The following SCHIP1 variants were observed in gnomAD, a reference collection of about 807,000 sequenced individuals.
The protein encoded by SCHIP1 is schwannomin-interacting protein 1.
Under a neutral mutation model 29.7 loss-of-function variants are expected in SCHIP1, and 8 were observed. The ratio of observed to expected loss-of-function variants is 0.27; its 90% CI spans 0.16 to 0.49. The LOEUF (loss-of-function observed/expected upper bound fraction) is 0.49. SCHIP1 is among the 20% of genes least tolerant of loss of function. The pLI is 0.99. For synonymous variants in SCHIP1, 76 were observed against 94.9 expected (o/e 0.80, Z 1.16); for missense variants, 193 against 294.6 (o/e 0.66, Z 2.52).
the SCHIP1 span, among the ~76,000 whole-genome samples, chr3:159,822,985 A>T: frequency 1.6e-3 from 246 of 152,226 alleles, 2 homozygotes; most frequent in Middle Eastern, 3.4e-3. Context: ...AGGCTCTGTT[A>T]GAGCAAGACA....
chr3:159,761,431 A>C, the SCHIP1 span, among the ~76,000 whole-genome samples: 1 of 152,182 alleles, frequency 6.6e-6, no homozygotes, highest in Non-Finnish European at 1.5e-5. Context: ...CTAAGTCTGA[A>C]AGCTCCAAGC....
At chr3:159,445,325 A>AG in the SCHIP1 span, among the ~76,000 whole-genome samples, 1 of 151,740 alleles carries the variant, frequency 6.6e-6, no homozygotes, top group Admixed American at 6.6e-5. Flanking sequence ...AACCACAATG[A>AG]GATACCATCT....
At chr3:159,805,017 TCTC>T in the SCHIP1 span, among the ~76,000 whole-genome samples, 1 of 152,146 alleles carries the variant, frequency 6.6e-6, no homozygotes, top group Non-Finnish European at 1.5e-5. Flanking sequence ...TCAGCAGATT[TCTC>T]CTCAATCTCA....
chr3:159,408,354 ACAC>A, the SCHIP1 span, among the ~76,000 whole-genome samples: 1 of 151,620 alleles, frequency 6.6e-6, no homozygotes, highest in African/African-American at 2.4e-5. Context: ...AATGAAGAAA[ACAC>A]CACAAAACAT....
the SCHIP1 span, among the ~76,000 whole-genome samples, chr3:159,618,170 T>G: frequency 1.3e-5 from 2 of 152,200 alleles, no homozygotes; most frequent in African/African-American, 4.8e-5. Context: ...TCAGAGTGGT[T>G]AAGTGACTTG....
At chr3:159,812,405 T>C in the SCHIP1 span, among the ~76,000 whole-genome samples, 2 of 152,184 alleles carry the variant, frequency 1.3e-5, no homozygotes, top group Non-Finnish European at 2.9e-5. Context: ...AATGGAAAAT[T>C]TAAACAAGTG....
chr3:159,810,354 C>G, the SCHIP1 span, among the ~76,000 whole-genome samples: 1 of 152,200 alleles, frequency 6.6e-6, no homozygotes. Flanking sequence ...CTCAAATTCA[C>G]CTGTTTTAAA....
At chr3:159,445,074 T>A in the SCHIP1 span, among the ~76,000 whole-genome samples, 1 of 151,838 alleles carries the variant, frequency 6.6e-6, no homozygotes, top group Admixed American at 6.6e-5. Context: ...GGAACTACCA[T>A]CAGAGTGAAC....
At chr3:159,465,875 A>G in the SCHIP1 span, among the ~76,000 whole-genome samples, 14 of 152,208 alleles carry the variant, frequency 9.2e-5, no homozygotes, top group African/African-American at 1.2e-4. Flanking sequence ...CTCAAAGTAC[A>G]TAAATATAAC....
chr3:159,346,185 C>T, the SCHIP1 span, among the ~76,000 whole-genome samples: 1 of 141,548 alleles, frequency 7.1e-6, no homozygotes, highest in South Asian at 2.2e-4. Flanking sequence ...GAGACTCTGT[C>T]TCAGAAAAAA....
the SCHIP1 span, among the ~76,000 whole-genome samples, chr3:159,556,959 A>AG: frequency 6.6e-6 from 1 of 151,462 alleles, no homozygotes; most frequent in Non-Finnish European, 1.5e-5. Flanking sequence ...TTAAAAAAAA[A>AG]AGATTTTTTT....
At chr3:159,273,643 C>A in the SCHIP1 span, 1 of 1,355,548 alleles carries the variant, frequency 7.4e-7, no homozygotes, top group Non-Finnish European at 9.5e-7. Context: ...CTTTGAGCTG[C>A]TTGAGCATGG....
At chr3:159,877,222 C>A (rs1475003746) in intron 2 of SCHIP1, among the ~76,000 whole-genome samples, 1 of 152,190 alleles carries the variant, frequency 6.6e-6, no homozygotes, top group Non-Finnish European at 1.5e-5. Flanking sequence ...TGGTGGCGGG[C>A]GCCTATAATC....
chr3:159,341,821 T>C, the SCHIP1 span, among the ~76,000 whole-genome samples: 48 of 152,150 alleles, frequency 3.2e-4, no homozygotes, highest in African/African-American at 1.2e-3. Context: ...AAACTGATGA[T>C]TGTGGTTATC....
the SCHIP1 span, among the ~76,000 whole-genome samples, chr3:159,438,122 T>C: frequency 6.6e-6 from 1 of 152,194 alleles, no homozygotes; most frequent in Non-Finnish European, 1.5e-5. Flanking sequence ...AGGATTTTCC[T>C]AAATATTTAG....
the SCHIP1 span, among the ~76,000 whole-genome samples, chr3:159,457,398 T>G: frequency 7.0e-6 from 1 of 142,042 alleles, no homozygotes; most frequent in African/African-American, 2.9e-5. Context: ...CTGTTTCTGT[T>G]TTTTTTTTTT....
At chr3:159,765,930 G>T in the SCHIP1 span, among the ~76,000 whole-genome samples, 2 of 152,146 alleles carry the variant, frequency 1.3e-5, no homozygotes, top group African/African-American at 4.8e-5. Context: ...TGGAAAAGAG[G>T]GAGGGAGGAG....
chr3:159,698,884 G>C, the SCHIP1 span, among the ~76,000 whole-genome samples: 1 of 152,136 alleles, frequency 6.6e-6, no homozygotes, highest in African/African-American at 2.4e-5. Flanking sequence ...GGCCTCAAGT[G>C]ATCTGCCTGC....
At chr3:159,499,441 T>C in the SCHIP1 span, among the ~76,000 whole-genome samples, 1 of 152,238 alleles carries the variant, frequency 6.6e-6, no homozygotes, top group Non-Finnish European at 1.5e-5. Context: ...GTGATCCTTA[T>C]GAAGACATTA....
Sources: allele counts gnomAD v4.1 joint callset (sites outside exome capture counted in the v4.1 genomes callset), GRCh38; gene constraint gnomAD v4.1.1; transcripts MANE v1.5; gene names NCBI Gene and HGNC (gene_info 2026-07-23, HGNC 2026-07-21).